Variants in TRPM3 observed in about 807,000 individuals in gnomAD.
TRPM3 encodes transient receptor potential cation channel subfamily M member 3.
A neutral mutation model predicts 181.2 loss-of-function variants in TRPM3; 77 were observed. The observed-to-expected ratio is 0.42, with a 90% CI of 0.35 to 0.51. TRPM3 has a LOEUF of 0.51. Among genes scored for constraint, TRPM3 ranks in the 20% least tolerant of loss-of-function variants. TRPM3 has a pLI of 0.01. For missense variants in TRPM3, 1,759 were observed against 2,196.7 expected, an observed-to-expected ratio of 0.80 and a Z score of 3.98; for synonymous variants, 745 against 796.4, an observed-to-expected ratio of 0.94 and a Z score of 1.09.
rs1206614634 is a variant in TRPM3, at chr9:70,780,907, A to G, written c.1148+3198T>C. Among the ~76,000 whole-genome samples, 13 of 152,336 alleles carry G rather than the reference A, an allele frequency of 8.5e-5. No individual in the cohort carries two copies. The East Asian group carries it at 2.3e-3, about 27-fold the overall frequency. Reference sequence around the variant, plus strand: ...CTTTACCTCTGCACTAGTTATGTGCATAAACTCATATTCTTTGATAATCAG... The same window carrying G: ...CTTTACCTCTGCACTAGTTATGTGCGTAAACTCATATTCTTTGATAATCAG... On this transcript the variant is annotated intron_variant, in intron 7 of 25. Coordinates refer to ENST00000677713, the MANE Select transcript of TRPM3 (RefSeq NM_001366145.2).
chr9:71,438,681 A>G (rs1190958074), intron 1 of TRPM3, among the ~76,000 whole-genome samples: 1 of 152,222 alleles, frequency 6.6e-6, no homozygotes, highest in Non-Finnish European at 1.5e-5. Context: ...TCAAAAATAA[A>G]CAAATAAATA....
chr9:70,895,058 G>A (rs553699106), intron 1 of TRPM3, among the ~76,000 whole-genome samples: 35 of 152,176 alleles, frequency 2.3e-4, no homozygotes, highest in East Asian at 1.4e-3. Flanking sequence ...AGTATCTATC[G>A]TCATCAAATG....
At chr9:71,103,213 A>AT (rs2068732421) in intron 1 of TRPM3, among the ~76,000 whole-genome samples, 1 of 152,138 alleles carries the variant, frequency 6.6e-6, no homozygotes, top group Admixed American at 6.6e-5. Context: ...CACTTGTATT[A>AT]TTTTTCTCCC....
chr9:71,102,889 G>A (rs2068664816), intron 1 of TRPM3, among the ~76,000 whole-genome samples: 1 of 152,090 alleles, frequency 6.6e-6, no homozygotes, highest in South Asian at 2.1e-4. Flanking sequence ...ATGGGACATG[G>A]TCAAAAATAT....
chr9:70,990,004 A>G (rs764270124), intron 1 of TRPM3, among the ~76,000 whole-genome samples: 7 of 152,176 alleles, frequency 4.6e-5, no homozygotes, highest in Non-Finnish European at 5.9e-5. Flanking sequence ...TTCTCTGAGA[A>G]AGGTACTGTA....
intron 20 of TRPM3, among the ~76,000 whole-genome samples, chr9:70,599,419 CAG>C (rs1589106132): frequency 6.6e-6 from 1 of 152,136 alleles, no homozygotes; most frequent in East Asian, 1.9e-4. Flanking sequence ...ACAACAACAA[CAG>C]AAACTAAAGC....
chr9:70,902,576 T>C (rs902294358), intron 1 of TRPM3, among the ~76,000 whole-genome samples: 1 of 152,212 alleles, frequency 6.6e-6, no homozygotes, highest in Non-Finnish European at 1.5e-5. Flanking sequence ...TTACCTATTA[T>C]TTGAATAAGA....
At chr9:70,562,074 T>G (rs184604821) in intron 22 of TRPM3, among the ~76,000 whole-genome samples, 26 of 152,342 alleles carry the variant, frequency 1.7e-4, no homozygotes, top group Admixed American at 1.2e-3. Flanking sequence ...CAAATGATAC[T>G]GATTTTCAAC....
intron 1 of TRPM3, among the ~76,000 whole-genome samples, chr9:71,139,421 C>A (rs1171306988): frequency 1.3e-5 from 2 of 152,078 alleles, no homozygotes; most frequent in Non-Finnish European, 2.9e-5. Flanking sequence ...TTCAGAAAAA[C>A]CACTGTTTAC....
chr9:71,446,614 AAAG>A, intron 1 of TRPM3: 1 of 1,540,328 alleles, frequency 6.5e-7, no homozygotes, highest in Non-Finnish European at 8.8e-7. Context: ...CGAAGGGAGA[AAAG>A]AAAGCAAAGA....
Position 71,008,780 on chromosome 9 carries a change from G to A in TRPM3, c.177+112398C>T, listed in dbSNP as rs553772067. 3.9e-5 allele frequency among the ~76,000 whole-genome samples: 6 copies of A among 152,330 alleles called. No homozygotes were observed. The South Asian group carries it at 1.2e-3, about 32-fold the overall frequency. ...GAATCACTTAAACCCAGGAGGCGGA[G>A]GTTGCAGTGAGCCAAGATCACGCCA... On this transcript the variant is annotated intron_variant, in intron 1 of 25. Transcript: ENST00000677713.
At position 71,237,331 on chromosome 9, in the gene TRPM3, T is replaced by C. The variant is rs370990066; in HGVS notation, c.183+209322A>G. ...GAACACAGTTCTAAAGTATGACCAA[T>C]ATGACCTCAACATTTTCCTACATCA... is the stretch of plus-strand genomic sequence containing the variant. On this transcript the variant is annotated intron_variant, in intron 1 of 24. Coordinates refer to the TRPM3 transcript ENST00000357533. Among the ~76,000 whole-genome samples, 6 of 152,172 alleles carry C rather than the reference T, an allele frequency of 3.9e-5. No homozygotes were observed. In the East Asian group the frequency reaches 9.6e-4, roughly 24 times the overall value.
rs144667166 is a variant in TRPM3, at chr9:70,617,541, T to C, written c.2358+1326A>G. Among the ~76,000 whole-genome samples the C allele has an allele frequency of 3.7e-4, 57 of 152,334 alleles. No homozygotes were observed. The East Asian group carries it at 8.1e-3, about 22-fold the overall frequency. On this transcript the variant is annotated intron_variant, in intron 17 of 25. Coordinates refer to ENST00000677713, the MANE Select transcript of TRPM3 (RefSeq NM_001366145.2). Reference sequence around the variant, plus strand: ...GAGGACTCTAGCTGAAATATTGTACTGTATACTGGAAATATGCTAAGAGAG... The same window carrying C: ...GAGGACTCTAGCTGAAATATTGTACCGTATACTGGAAATATGCTAAGAGAG...
At chr9:70,980,960 G>A (rs1019253020) in intron 1 of TRPM3, among the ~76,000 whole-genome samples, 2 of 152,106 alleles carry the variant, frequency 1.3e-5, no homozygotes, top group Non-Finnish European at 2.9e-5. Context: ...AAGCAATTCC[G>A]ATACATATGT....
At chr9:70,685,000 T>C (rs974872228) in intron 8 of TRPM3, among the ~76,000 whole-genome samples, 8 of 152,202 alleles carry the variant, frequency 5.3e-5, no homozygotes, top group African/African-American at 1.9e-4. Flanking sequence ...TGCCGGACCA[T>C]TTTTATGGAT....
At chr9:71,073,232 A>G (rs1482241954) in intron 1 of TRPM3, among the ~76,000 whole-genome samples, 3 of 152,202 alleles carry the variant, frequency 2.0e-5, no homozygotes, top group African/African-American at 7.2e-5. Flanking sequence ...ATCAAGTCAT[A>G]AAGATGAGAA....
chr9:71,313,314 C>T (rs1489934010), intron 1 of TRPM3, among the ~76,000 whole-genome samples: 4 of 152,042 alleles, frequency 2.6e-5, no homozygotes, highest in Non-Finnish European at 5.9e-5. Context: ...TACGGATACC[C>T]AAATCTAGTA....
intron 1 of TRPM3, among the ~76,000 whole-genome samples, chr9:71,196,366 C>T (rs1325545393): frequency 6.6e-6 from 1 of 151,896 alleles, no homozygotes; most frequent in African/African-American, 2.4e-5. Context: ...TGGATTTTAT[C>T]ATGAATCTAC....
chr9:71,137,016 A>T (rs954854248), intron 1 of TRPM3, among the ~76,000 whole-genome samples: 3 of 152,228 alleles, frequency 2.0e-5, no homozygotes, highest in African/African-American at 7.2e-5. Flanking sequence ...TGACTCTAGC[A>T]TCTGTGTAGA....
Sources: allele counts gnomAD v4.1 joint callset (sites outside exome capture counted in the v4.1 genomes callset), GRCh38; gene constraint gnomAD v4.1.1; transcripts MANE v1.5; gene names NCBI Gene and HGNC (gene_info 2026-07-23, HGNC 2026-07-21).